The following GUCY1A2 variants were observed in gnomAD, a reference collection of about 807,000 sequenced individuals.
The protein encoded by GUCY1A2 is guanylate cyclase 1 soluble subunit alpha 2.
GUCY1A2 carries 27 observed loss-of-function variants against 63.5 expected under a neutral mutation model. The ratio of observed to expected loss-of-function variants is 0.43; its 90% CI spans 0.31 to 0.59. The LOEUF (loss-of-function observed/expected upper bound fraction) is 0.59, where lower values mean the gene tolerates loss of function less well. GUCY1A2 is among the 20% of genes least tolerant of loss of function. The pLI is 0.11. For synonymous variants in GUCY1A2, 364 were observed against 343.5 expected (o/e 1.06, Z -0.66); for missense variants, 768 against 913.3 (o/e 0.84, Z 2.05).
At chr11:106,782,382 T>A (rs572010859) in intron 5 of GUCY1A2, among the ~76,000 whole-genome samples, 1 of 152,346 alleles carries the variant, frequency 6.6e-6, no homozygotes, top group South Asian at 2.1e-4. Flanking sequence ...ACTTTAAAGA[T>A]GAGAAATGCT....
At chr11:106,931,190 G>A (rs1168094418) in intron 4 of GUCY1A2, among the ~76,000 whole-genome samples, 2 of 152,102 alleles carry the variant, frequency 1.3e-5, no homozygotes, top group African/African-American at 4.8e-5. Flanking sequence ...CAACAATTAA[G>A]TATGGACAAA....
intron 4 of GUCY1A2, among the ~76,000 whole-genome samples, chr11:106,843,953 G>C (rs1030435815): frequency 6.6e-6 from 1 of 151,770 alleles, no homozygotes; most frequent in Non-Finnish European, 1.5e-5. Context: ...CAGGAAATGA[G>C]GTATAACATC....
At chr11:106,785,875 C>CT (rs1397166368) in intron 5 of GUCY1A2, among the ~76,000 whole-genome samples, 1 of 30,192 alleles carries the variant, frequency 3.3e-5, no homozygotes, top group African/African-American at 1.3e-4. Context: ...CCGATATCCA[C>CT]CTTTTTTTTT....
At chr11:106,884,935 C>T (rs1265813107) in intron 4 of GUCY1A2, among the ~76,000 whole-genome samples, 1 of 152,082 alleles carries the variant, frequency 6.6e-6, no homozygotes, top group Non-Finnish European at 1.5e-5. Context: ...GCTCAATTCC[C>T]GGCCTAGTCA....
intron 6 of GUCY1A2, among the ~76,000 whole-genome samples, chr11:106,771,908 T>A (rs1864264094): frequency 6.6e-6 from 1 of 152,188 alleles, no homozygotes; most frequent in Non-Finnish European, 1.5e-5. Flanking sequence ...GCAGTTCTAA[T>A]TAAAGTCAAC....
intron 4 of GUCY1A2, among the ~76,000 whole-genome samples, chr11:106,852,917 T>C (rs1326933350): frequency 4.6e-5 from 7 of 152,160 alleles, no homozygotes; most frequent in African/African-American, 1.4e-4. Context: ...TTGCTGGATA[T>C]AGGAGTTTTG....
At chr11:106,828,087 T>C (rs1197188453) in intron 4 of GUCY1A2, among the ~76,000 whole-genome samples, 1 of 152,196 alleles carries the variant, frequency 6.6e-6, no homozygotes, top group African/African-American at 2.4e-5. Flanking sequence ...GAGTACCTTG[T>C]ACATTCTGGC....
At position 106,955,480 on chromosome 11, in the gene GUCY1A2, T is replaced by G. The variant is rs576087104; in HGVS notation, c.488-15302A>C. Reference sequence around the variant, plus strand: ...CATATTTAGTGCTTCTTTTAGGAGCTCTTGCAGGGCAGGACTGGTGGTAAT... The same window carrying G: ...CATATTTAGTGCTTCTTTTAGGAGCGCTTGCAGGGCAGGACTGGTGGTAAT... On this transcript the variant is annotated intron_variant, in intron 3 of 7. Transcript: ENST00000526355. Among the ~76,000 whole-genome samples the G allele has an allele frequency of 3.8e-4, 58 of 152,328 alleles. No individual in the cohort carries two copies. In the South Asian group the frequency reaches 0.012, roughly 30 times the overall value.
intron 5 of GUCY1A2, among the ~76,000 whole-genome samples, chr11:106,795,012 A>G (rs556026436): frequency 2.6e-5 from 4 of 152,268 alleles, no homozygotes; most frequent in Admixed American, 6.5e-5. Flanking sequence ...ATATATCGTT[A>G]TTTTGAATTA....
chr11:106,841,076 C>T lies in GUCY1A2; in HGVS notation c.1207-30598G>A, dbSNP rs1349928512. Among the ~76,000 whole-genome samples the T allele has an allele frequency of 2.0e-5, 3 of 151,860 alleles. No homozygotes were observed. The East Asian group carries it at 5.8e-4, about 30-fold the overall frequency. ...AATACCACACTCCCTTTACTTTCTG[C>T]TCCAGTTATAATAGATTACTTTCAC... On this transcript the variant is annotated intron_variant, in intron 4 of 7. Coordinates refer to ENST00000526355, the MANE Select transcript of GUCY1A2 (RefSeq NM_000855.3).
chr11:106,993,494 A>G lies in GUCY1A2; in HGVS notation c.304-7363T>C, dbSNP rs184411069. ...ATCCAGACATAATGTTTACTTTCCC[A>G]GCCTCTGACTAAACTTACTACATAT... On this transcript the variant is annotated intron_variant, in intron 1 of 7. Transcript: ENST00000526355. Among the ~76,000 whole-genome samples, 67 of 152,270 alleles carry G rather than the reference A, an allele frequency of 4.4e-4. No individual in the cohort carries two copies. The East Asian group carries it at 0.012, about 27-fold the overall frequency.
chr11:106,777,445 CAAAAAAAAAA>C (rs34353077), intron 5 of GUCY1A2, among the ~76,000 whole-genome samples: 1 of 91,404 alleles, frequency 1.1e-5, no homozygotes. Flanking sequence ...GACTTGGTCT[CAAAAAAAAAA>C]AAAAAAAAAA....
chr11:106,810,991 T>A (rs537175912), intron 4 of GUCY1A2, among the ~76,000 whole-genome samples: 2 of 152,162 alleles, frequency 1.3e-5, no homozygotes, highest in Non-Finnish European at 2.9e-5. Context: ...AATGTACTAG[T>A]CATTGCACTT....
rs1179148278 is a variant in GUCY1A2 at position 106,684,722 on chromosome 11, G to A, written c.*2827C>T. ...TTTTAAAGTATCCCTTGCAGAGTGG[G>A]TTAAAACCATTTCCCCAATTTAATA... is the stretch of plus-strand genomic sequence containing the variant. On this transcript the variant is annotated 3_prime_UTR_variant, in exon 8 of 8. Coordinates refer to ENST00000526355, the MANE Select transcript of GUCY1A2 (RefSeq NM_000855.3). 4.9e-6 allele frequency: 1 copy of A among 204,156 alleles called. No individual in the cohort carries two copies. Among genetic ancestry groups the A allele is most frequent in the Non-Finnish European group, 1.0e-5 (1 of 99,642 alleles). The allele number at this position is 204,156 out of a possible 1,614,324, so 12.6% of individuals were successfully genotyped here.
At chr11:106,781,262 G>C (rs1378006027) in intron 5 of GUCY1A2, among the ~76,000 whole-genome samples, 1 of 152,074 alleles carries the variant, frequency 6.6e-6, no homozygotes, top group Non-Finnish European at 1.5e-5. Context: ...TCTCCCACCT[G>C]TTCGTGAATG....
intron 7 of GUCY1A2, among the ~76,000 whole-genome samples, chr11:106,703,717 A>G (rs558766409): frequency 2.3e-4 from 35 of 152,226 alleles, no homozygotes; most frequent in African/African-American, 8.2e-4. Context: ...GTGTTGTTGA[A>G]GCCAACAGTA....
intron 7 of GUCY1A2, among the ~76,000 whole-genome samples, chr11:106,704,944 T>C (rs1274982063): frequency 2.0e-5 from 3 of 151,344 alleles, no homozygotes; most frequent in Non-Finnish European, 4.4e-5. Context: ...ATATATTATG[T>C]GCACTATTTA....
At chr11:106,833,756 A>C (rs1591295301) in intron 4 of GUCY1A2, among the ~76,000 whole-genome samples, 2 of 152,046 alleles carry the variant, frequency 1.3e-5, no homozygotes, top group South Asian at 4.1e-4. Flanking sequence ...AAAATAGACA[A>C]AATATCTTTT....
At chr11:106,830,688 GATGTCCTA>G (rs1859038505) in intron 4 of GUCY1A2, among the ~76,000 whole-genome samples, 2 of 152,212 alleles carry the variant, frequency 1.3e-5, no homozygotes, top group African/African-American at 4.8e-5. Context: ...TCAGCTTGCA[GATGTCCTA>G]ATGTGGAACC....
Sources: allele counts gnomAD v4.1 joint callset (sites outside exome capture counted in the v4.1 genomes callset), GRCh38; gene constraint gnomAD v4.1.1; transcripts MANE v1.5; gene names NCBI Gene and HGNC (gene_info 2026-07-23, HGNC 2026-07-21).